The following SNRNP40 variants were observed in gnomAD, a reference collection of about 807,000 sequenced individuals.
SNRNP40 encodes the protein small nuclear ribonucleoprotein U5 subunit 40, also known as U5 small nuclear ribonucleoprotein 40 kDa protein.
A neutral mutation model predicts 45.8 loss-of-function variants in SNRNP40; 21 were observed. The ratio of observed to expected loss-of-function variants is 0.46; its 90% confidence interval spans 0.32 to 0.66. The LOEUF is 0.66. SNRNP40 is among the 30% of genes least tolerant of loss of function. The pLI is 0.03. For synonymous variants in SNRNP40, 142 were observed against 163.8 expected, an observed-to-expected ratio of 0.87 and a Z score of 1.01; for missense variants, 344 against 439.1, an observed-to-expected ratio of 0.78 and a Z score of 1.94.
At chr1:31,294,677 C>T (rs577393937) in intron 1 of SNRNP40, among the ~76,000 whole-genome samples, 1 of 152,216 alleles carries the variant, frequency 6.6e-6, no homozygotes, top group South Asian at 2.1e-4. Context: ...CGGTGGCTCA[C>T]ACCTGTAATC....
chr1:31,271,975 T>C (rs1451160238), intron 5 of SNRNP40, among the ~76,000 whole-genome samples: 1 of 152,174 alleles, frequency 6.6e-6, no homozygotes, highest in Non-Finnish European at 1.5e-5. Context: ...GCTACCACGT[T>C]TGACTAGATA....
intron 6 of SNRNP40, chr1:31,269,705 G>A (rs190718241): frequency 2.5e-4 from 48 of 195,358 alleles, no homozygotes; most frequent in Middle Eastern, 3.8e-3. Flanking sequence ...GACAAGGTCA[G>A]ATATATATAA....
At chr1:31,289,187 T>A in intron 4 of SNRNP40, 67 bp downstream of exon 4, 1 of 1,456,490 alleles carries the variant, frequency 6.9e-7, no homozygotes, top group Non-Finnish European at 9.4e-7. Flanking sequence ...AGAGTACAAG[T>A]GGCAAGGCAA....
chr1:31,269,010 T>C (rs1046736436), intron 7 of SNRNP40, 148 bp downstream of exon 7: 1 of 704,894 alleles, frequency 1.4e-6, no homozygotes, highest in Admixed American at 3.1e-5. Context: ...CTATCCGTTT[T>C]ATTTTTGGCA....
rs185235769 is a variant in SNRNP40 at position 31,261,338 on chromosome 1, G to C, written c.1024+191C>G. Among the ~76,000 whole-genome samples the C allele has an allele frequency of 1.5e-4, 23 of 152,178 alleles. No homozygotes were observed. The highest frequency in any genetic ancestry group is 4.6e-4 in the Admixed American group (7 of 15,276). On this transcript the variant is annotated intron_variant, in intron 9 of 9. Coordinates refer to ENST00000263694, the MANE Select transcript of SNRNP40 (RefSeq NM_004814.3). ...TGCTCCAACCTGGGCAAAACAGCGA[G>C]ACACTGTCTCAAAAACAAAACAAAA...
At chr1:31,295,657 A>C (rs1646144171) in intron 1 of SNRNP40, among the ~76,000 whole-genome samples, 1 of 152,230 alleles carries the variant, frequency 6.6e-6, no homozygotes, top group Non-Finnish European at 1.5e-5. Flanking sequence ...ACTCTGGATG[A>C]AGTACAAAGC....
chr1:31,273,839 A>G (rs1168651002), intron 5 of SNRNP40, among the ~76,000 whole-genome samples: 1 of 152,178 alleles, frequency 6.6e-6, no homozygotes, highest in Non-Finnish European at 1.5e-5. Flanking sequence ...AGGCCTATGC[A>G]AGGTACAGTT....
chr1:31,280,957 AT>A (rs1646012581), intron 5 of SNRNP40, among the ~76,000 whole-genome samples: 1 of 152,192 alleles, frequency 6.6e-6, no homozygotes, highest in South Asian at 2.1e-4. Flanking sequence ...ACCTTCTCTC[AT>A]TCTTAGAGAA....
chr1:31,268,849 A>G (rs1265348401), intron 7 of SNRNP40, among the ~76,000 whole-genome samples: 3 of 152,158 alleles, frequency 2.0e-5, no homozygotes, highest in East Asian at 1.9e-4. Flanking sequence ...TTCCATATGG[A>G]AAACTGATTT....
At position 31,269,354 on chromosome 1, in the gene SNRNP40, G is replaced by C. The variant is rs1047147167; in HGVS notation, c.776-114C>G. ...AATCAATGGCAGATGCTGTTTCCTC[G>C]GTGGGCAAAGTCCAACTTGACATAC... On this transcript the variant is annotated intron_variant, in intron 6 of 9. Transcript: ENST00000263694. The C allele has an allele frequency of 3.3e-6, 5 of 1,506,388 alleles. No individual in the cohort carries two copies. The African/African-American group carries it at 7.0e-5, about 21-fold the overall frequency. The allele number at this position is 1,506,388 out of a possible 1,614,324, so 93.3% of individuals were successfully genotyped here. A position where few individuals can be genotyped will look rare whatever the true frequency, so the allele number is the denominator to read the frequency against.
At chr1:31,286,874 T>C (rs964160253) in intron 4 of SNRNP40, among the ~76,000 whole-genome samples, 4 of 152,226 alleles carry the variant, frequency 2.6e-5, no homozygotes, top group African/African-American at 9.6e-5. Context: ...GCACCTTCCC[T>C]GCTTTGGCCT....
At chr1:31,262,136 C>G (rs375973549) in intron 8 of SNRNP40, among the ~76,000 whole-genome samples, 2 of 152,128 alleles carry the variant, frequency 1.3e-5, no homozygotes, top group African/African-American at 4.8e-5. Flanking sequence ...ATAGTGTTTG[C>G]TAACCTAATA....
At chr1:31,288,292 C>T (rs935511881) in intron 4 of SNRNP40, among the ~76,000 whole-genome samples, 3 of 152,120 alleles carry the variant, frequency 2.0e-5, no homozygotes, top group Non-Finnish European at 4.4e-5. Flanking sequence ...AACCAGAGCC[C>T]AAAATTCGTG....
At chr1:31,277,867 G>C (rs1005798891) in intron 5 of SNRNP40, among the ~76,000 whole-genome samples, 1 of 152,128 alleles carries the variant, frequency 6.6e-6, no homozygotes, top group African/African-American at 2.4e-5. Context: ...GTTAATTTTT[G>C]TATTTTTAGT....
chr1:31,281,064 A>G (rs1402458583), intron 5 of SNRNP40, among the ~76,000 whole-genome samples: 1 of 152,216 alleles, frequency 6.6e-6, no homozygotes, highest in Non-Finnish European at 1.5e-5. Flanking sequence ...TCTTTAAACC[A>G]AGATGGTTAA....
At chr1:31,278,430 T>C (rs374402664) in intron 5 of SNRNP40, among the ~76,000 whole-genome samples, 1 of 152,320 alleles carries the variant, frequency 6.6e-6, no homozygotes, top group South Asian at 2.1e-4. Flanking sequence ...CTTATAACTG[T>C]ACACCAAAAA....
chr1:31,263,616 A>G, intron 8 of SNRNP40: 1 of 471,204 alleles, frequency 2.1e-6, no homozygotes, highest in Non-Finnish European at 4.2e-6. Flanking sequence ...CTGAGATTTT[A>G]TGAGCTCATC....
intron 4 of SNRNP40, 116 bp from the exon 5 acceptor site, chr1:31,281,612 T>A: frequency 1.2e-6 from 1 of 850,100 alleles, no homozygotes; most frequent in East Asian, 2.7e-5. Context: ...ATAATTGGGA[T>A]CCTATATCAC....
At chr1:31,264,874 A>G (rs1451922976) in intron 8 of SNRNP40, among the ~76,000 whole-genome samples, 3 of 152,190 alleles carry the variant, frequency 2.0e-5, no homozygotes, top group African/African-American at 7.2e-5. Context: ...CATAAAAGAC[A>G]GAATCCCAGA....
Sources: gnomAD v4.1 joint callset for allele counts (sites outside exome capture counted in the v4.1 genomes callset) on GRCh38, gnomAD v4.1.1 for gene constraint, MANE v1.5 for transcripts, NCBI Gene and HGNC (gene_info 2026-07-23, HGNC 2026-07-21) for gene names.